AAMP: variants seen among roughly 807,000 people sequenced by gnomAD.
The protein encoded by AAMP is angio associated migratory cell protein.
In AAMP, 12 loss-of-function variants were observed where a neutral mutation model predicts 51.1. The ratio of observed to expected loss-of-function variants is 0.23; its 90% CI spans 0.15 to 0.38. The LOEUF (loss-of-function observed/expected upper bound fraction) is 0.38. Ranked by LOEUF, AAMP falls within the 10% of genes least tolerant of loss-of-function variation. AAMP has a pLI of 1.00. For missense variants in AAMP, 418 were observed against 557.2 expected (o/e 0.75, Z 2.52); for synonymous variants, 210 against 218.7 (o/e 0.96, Z 0.35).
Position 218,265,029 on chromosome 2 carries a change from G to A in AAMP, c.1220C>T (p.Ala407Val), listed in dbSNP as rs761467520. The A allele has an allele frequency of 2.5e-6, 4 of 1,613,702 alleles. No homozygotes were observed. Among genetic ancestry groups the A allele is most frequent in the Admixed American group, 3.3e-5 (2 of 60,010 alleles). The change falls in exon 10 of 11, where the codon GCC (alanine) becomes GTC (valine). Residue 407 changes from alanine to valine, a missense_variant. Ala to Val is a moderately conservative substitution (Grantham distance 64). Transcript: ENST00000248450. This position sits in a 1 kb window ranked among gnomAD's most constrained non-coding sequence, Gnocchi z 6.6. Reference protein sequence around the residue: ...RGHTAEILDFALSKDASLVVT... With the variant: ...RGHTAEILDFVLSKDASLVVT... ...TGGCCAATTCACTTACTTGCTGAGGGCAAAGTCCAGGATCTCAGCCGTGTG... is the reference window on the plus strand; with the variant it reads ...TGGCCAATTCACTTACTTGCTGAGGACAAAGTCCAGGATCTCAGCCGTGTG...
intron 10 of AAMP, 85 bp from the exon 11 acceptor site, chr2:218,264,693 C>T: frequency 8.2e-7 from 1 of 1,225,364 alleles, no homozygotes. Context: ...CTCCAGCACA[C>T]CCTCAGTTCT....
In AAMP at chr2:218,266,548, C is replaced by T; in HGVS notation, c.574G>A (p.Gly192Ser). 6.2e-7 allele frequency: 1 copy of T among 1,613,802 alleles called. No homozygotes were observed. The highest frequency in any genetic ancestry group is 8.5e-7 in the Non-Finnish European group (1 of 1,179,960). Residue 192 changes from glycine (G) to serine (S), a missense_variant, in exon 5 of 11, where the codon GGC becomes AGC. Coordinates refer to ENST00000248450, the MANE Select transcript of AAMP (RefSeq NM_001087.5). The surrounding 1 kb of genome is among the most constrained non-coding windows in gnomAD (Gnocchi z 4.7). ...ATCCAGGTGTTGCCGTCAGCTGTGC[C>T]CGCCAACAGGACAGGTGCCCGAGGA... is the stretch of plus-strand genomic sequence containing the variant. ...WHPRAPVLLAGTADGNTWMWK... is the reference protein window; with the variant it reads ...WHPRAPVLLASTADGNTWMWK...
intron 2 of AAMP, among the ~76,000 whole-genome samples, chr2:218,268,101 T>C (rs906563575): frequency 5.5e-4 from 84 of 151,810 alleles, no homozygotes; most frequent in Admixed American, 1.6e-3. Flanking sequence ...CCTGAGTAGC[T>C]GGGATTACAG....
In AAMP at chr2:218,265,018, A is replaced by G; in HGVS notation, c.1229+2T>C. 6.2e-7 allele frequency: 1 copy of G among 1,613,792 alleles called. No homozygotes were observed. Among genetic ancestry groups the G allele is most frequent in the Non-Finnish European group, 8.5e-7 (1 of 1,180,032 alleles). Reference sequence around the variant, plus strand: ...ATCCCAGCCCTTGGCCAATTCACTTACTTGCTGAGGGCAAAGTCCAGGATC... The same window carrying G: ...ATCCCAGCCCTTGGCCAATTCACTTGCTTGCTGAGGGCAAAGTCCAGGATC... On this transcript the variant is annotated splice_donor_variant, in intron 10 of 10. Coordinates refer to ENST00000248450, the MANE Select transcript of AAMP (RefSeq NM_001087.5). LOFTEE classifies it high-confidence loss of function. The surrounding 1 kb of genome is among the most constrained non-coding windows in gnomAD (Gnocchi z 6.6).
Position 218,265,951 on chromosome 2 carries a change from C to A in AAMP, c.764-5G>T. The A allele has an allele frequency of 1.2e-6, 2 of 1,612,120 alleles. No individual in the cohort carries two copies. Among genetic ancestry groups the A allele is most frequent in the Non-Finnish European group, 1.7e-6 (2 of 1,178,242 alleles). On this transcript the variant is annotated splice_region_variant and splice_polypyrimidine_tract_variant and intron_variant, in intron 6 of 10. Transcript: ENST00000248450. This position sits in a 1 kb window ranked among gnomAD's most constrained non-coding sequence, Gnocchi z 6.6. ...GGCCCTGGTGACCCTCAGTCCCTAGCATAGAGCAGGGAGGCAGCTCAGGCT... is the reference window on the plus strand; with the variant it reads ...GGCCCTGGTGACCCTCAGTCCCTAGAATAGAGCAGGGAGGCAGCTCAGGCT...
At position 218,264,699 on chromosome 2, in the gene AAMP, GT is replaced by G. The variant is rs534284516; in HGVS notation, c.1230-92del. 922 of 1,161,194 alleles carry G rather than the reference GT, an allele frequency of 7.9e-4. 9 individuals are homozygous for G. The East Asian group carries it at 9.1e-3, about 11-fold the overall frequency. The allele number at this position is 1,161,194 out of a possible 1,614,324, so 71.9% of individuals were successfully genotyped here. A position where few individuals can be genotyped will look rare whatever the true frequency, so the allele number is the denominator to read the frequency against. On this transcript the variant is annotated intron_variant, in intron 10 of 10. Coordinates refer to ENST00000248450, the MANE Select transcript of AAMP (RefSeq NM_001087.5). ...GGTGGGCTCCTCCAGCACACCCTCA[GT>G]TCTAGGGCCCTAGTGCCTAGCACTG... is the stretch of plus-strand genomic sequence containing the variant.
At position 218,267,031 on chromosome 2, in the gene AAMP, C is replaced by T. The variant is rs1690650247; in HGVS notation, c.395-45G>A. 1.2e-6 allele frequency: 2 copies of T among 1,607,124 alleles called. No individual in the cohort carries two copies. Among genetic ancestry groups the T allele is most frequent in the Non-Finnish European group, 1.7e-6 (2 of 1,174,862 alleles). On this transcript the variant is annotated intron_variant, in intron 3 of 10. Transcript: ENST00000248450. This position sits in a 1 kb window ranked among gnomAD's most constrained non-coding sequence, Gnocchi z 4.6. ...GAAAACAGAGGAAAAAAATAGGGTACCTGGTGCTGGGGGCATGTGATTCTG... is the reference window on the plus strand; with the variant it reads ...GAAAACAGAGGAAAAAAATAGGGTATCTGGTGCTGGGGGCATGTGATTCTG...
In AAMP at chr2:218,269,416, G is replaced by C; in HGVS notation, c.240C>G (p.Pro80=). The C allele has an allele frequency of 6.2e-7, 1 of 1,614,128 alleles. No individual in the cohort carries two copies. The highest frequency in any genetic ancestry group is 8.5e-7 in the Non-Finnish European group (1 of 1,180,030). ...QEGVVGSMEG[P]DDSEVTFALH... is the part of the protein sequence containing the mutation. ...ATGCAAAGGTGACCTCGCTATCGTC[G>C]GGGCCCTCCATGCTGCCGACCACCC... Residue 80 remains proline, a synonymous_variant, in exon 2 of 11, where the codon CCC becomes CCG. Transcript: ENST00000248450.
At chr2:218,269,687 G>A in intron 1 of AAMP, 153 bp from the exon 2 acceptor site, 1 of 1,330,098 alleles carries the variant, frequency 7.5e-7, no homozygotes, top group East Asian at 2.4e-5. Flanking sequence ...GCGGGACACA[G>A]GACGGGAGGC....
rs139083943 is a variant in AAMP at position 218,265,173 on chromosome 2, G to A, written c.1076C>T (p.Ser359Leu). The A allele has an allele frequency of 5.6e-4, 893 of 1,581,780 alleles. No homozygotes were observed. The highest frequency in any genetic ancestry group is 7.2e-4 in the Non-Finnish European group (834 of 1,163,530). ...QTLRHQCQHQ[S>L]GIVQLLWEAG... Reference sequence around the variant, plus strand: ...CTCCCACAGCAGCTGCACGATGCCCGACTGCCCCGAGGAATGACAGAGGCA... The same window carrying A: ...CTCCCACAGCAGCTGCACGATGCCCAACTGCCCCGAGGAATGACAGAGGCA... Residue 359 changes from serine to leucine, a missense_variant and splice_region_variant, in exon 10 of 11, where the codon TCG becomes TTG. Ser to Leu is a moderately radical substitution (Grantham distance 145). Transcript: ENST00000248450. This position sits in a 1 kb window ranked among gnomAD's most constrained non-coding sequence, Gnocchi z 6.6.
rs1373258338 is a variant in AAMP at position 218,267,812 on chromosome 2, C to T, written c.275-199G>A. 2.0e-5 allele frequency among the ~76,000 whole-genome samples: 3 copies of T among 152,158 alleles called. No homozygotes were observed. The highest frequency in any genetic ancestry group is 7.2e-5 in the African/African-American group (3 of 41,430). ...CATATTTGCCAAGCTCCCTATTTGC[C>T]AGAGTAGATCCCCTCACTGTGTGAC... On this transcript the variant is annotated intron_variant, in intron 2 of 10. Coordinates refer to ENST00000248450, the MANE Select transcript of AAMP (RefSeq NM_001087.5). The surrounding 1 kb of genome is among the most constrained non-coding windows in gnomAD (Gnocchi z 4.6).
chr2:218,266,248 A>C lies in AAMP; in HGVS notation c.680-101T>G. 7.4e-7 allele frequency: 1 copy of C among 1,342,812 alleles called. No individual in the cohort carries two copies. The highest frequency in any genetic ancestry group is 1.1e-6 in the Non-Finnish European group (1 of 948,498). 83.2% of individuals were successfully genotyped at this position (1,342,812 alleles called of 1,614,324 possible). ...AGGAAAGAAGAGTGGAAGGGCCCAG[A>C]CACTGCCCCAGGAATCACAGGTGAG... On this transcript the variant is annotated intron_variant, in intron 5 of 10. Transcript: ENST00000248450. This position sits in a 1 kb window ranked among gnomAD's most constrained non-coding sequence, Gnocchi z 4.7.
Position 218,269,517 on chromosome 2 carries a change from T to A in AAMP, c.139A>T (p.Met47Leu), listed in dbSNP as rs1310393794. ...TCTTCCTCAAAGTCCACATCTTCCA[T>A]CTCCTGGGCCAGGTCATCTGCTTTG... Reference protein sequence around the residue: ...PPDPDDLAQEMEDVDFEEEEE... With the variant: ...PPDPDDLAQELEDVDFEEEEE... Residue 47 changes from methionine (M) to leucine (L), a missense_variant, in exon 2 of 11, where the codon ATG (methionine) becomes TTG (leucine). Coordinates refer to ENST00000248450, the MANE Select transcript of AAMP (RefSeq NM_001087.5). The A allele has an allele frequency of 7.4e-6, 12 of 1,613,926 alleles. No homozygotes were observed. The highest frequency in any genetic ancestry group is 7.6e-6 in the Non-Finnish European group (9 of 1,180,022).
chr2:218,265,228 C>A lies in AAMP; in HGVS notation c.1075-54G>T. On this transcript the variant is annotated intron_variant, in intron 9 of 10. Transcript: ENST00000248450. This position sits in a 1 kb window ranked among gnomAD's most constrained non-coding sequence, Gnocchi z 6.6. ...GGAGGTTGGCAGGAGAGCTGAGAGC[C>A]ATCTGCTCCCAATTCTCAAAGAGGG... The A allele has an allele frequency of 6.4e-7, 1 of 1,564,566 alleles. No homozygotes were observed. Among genetic ancestry groups the A allele is most frequent in the Non-Finnish European group, 8.7e-7 (1 of 1,154,804 alleles).
At chr2:218,269,681 G>T (rs1467778678) in intron 1 of AAMP, 147 bp from the exon 2 acceptor site, 2 of 1,379,126 alleles carry the variant, frequency 1.5e-6, no homozygotes, top group South Asian at 1.2e-5. Context: ...GGGCGCGCGG[G>T]ACACAGGACG....
Position 218,265,851 on chromosome 2 carries a change from C to T in AAMP, c.859G>A (p.Val287Ile), listed in dbSNP as rs369575129. ...TGSVDCQAKL[V>I]SATTGKVVGV... ...CTCACCTTGCCGGTGGTGGCACTGACCAGCTTGGCCTGGCAGTCCACAGAG... is the reference window on the plus strand; with the variant it reads ...CTCACCTTGCCGGTGGTGGCACTGATCAGCTTGGCCTGGCAGTCCACAGAG... Residue 287 changes from valine to isoleucine, a missense_variant, in exon 7 of 11, where the codon GTC becomes ATC. Transcript: ENST00000248450. This position sits in a 1 kb window ranked among gnomAD's most constrained non-coding sequence, Gnocchi z 6.6. The T allele has an allele frequency of 6.2e-7, 1 of 1,613,426 alleles. No individual in the cohort carries two copies. Among genetic ancestry groups the T allele is most frequent in the Non-Finnish European group, 8.5e-7 (1 of 1,179,776 alleles).
At position 218,267,580 on chromosome 2, in the gene AAMP, G is replaced by A. The variant is rs1485121285; in HGVS notation, c.308C>T (p.Thr103Ile). ...ACCCCCGGTCACTGCCAAGGTATTGGTCTTGGGGTCCAGGCTCACACAAAA... is the reference window on the plus strand; with the variant it reads ...ACCCCCGGTCACTGCCAAGGTATTGATCTTGGGGTCCAGGCTCACACAAAA... Reference protein sequence around the residue: ...SVFCVSLDPKTNTLAVTGGED... With the variant: ...SVFCVSLDPKINTLAVTGGED... The change falls in exon 3 of 11, where the codon ACC (threonine) becomes ATC (isoleucine). Residue 103 changes from threonine (T) to isoleucine (I), a missense_variant. Coordinates refer to ENST00000248450, the MANE Select transcript of AAMP (RefSeq NM_001087.5). The surrounding 1 kb of genome is among the most constrained non-coding windows in gnomAD (Gnocchi z 4.6). The A allele has an allele frequency of 2.4e-5, 38 of 1,614,124 alleles. No individual in the cohort carries two copies. The highest frequency in any genetic ancestry group is 3.2e-5 in the Non-Finnish European group (38 of 1,180,022).
intron 1 of AAMP, 107 bp downstream of exon 1, chr2:218,269,858 AT>A: frequency 4.6e-6 from 7 of 1,509,720 alleles, no homozygotes; most frequent in Non-Finnish European, 6.4e-6. Flanking sequence ...GAAGAGGGAT[AT>A]CGGTAGGAAT....
Position 218,267,250 on chromosome 2 carries a change from C to T in AAMP, c.394+244G>A, listed in dbSNP as rs571681686. 2.5e-5 allele frequency: 17 copies of T among 670,244 alleles called. 1 individual carries two copies. Among genetic ancestry groups the T allele is most frequent in the South Asian group, 1.3e-4 (7 of 51,890 alleles). The allele number at this position is 670,244 out of a possible 1,614,324, so 41.5% of individuals were successfully genotyped here. A position where few individuals can be genotyped will look rare whatever the true frequency, so the allele number is the denominator to read the frequency against. On this transcript the variant is annotated intron_variant, in intron 3 of 10. Coordinates refer to ENST00000248450, the MANE Select transcript of AAMP (RefSeq NM_001087.5). The surrounding 1 kb of genome is among the most constrained non-coding windows in gnomAD (Gnocchi z 4.6). The stretch of plus-strand genomic sequence containing the variant: ...CTTCTGTCCACTCTACACCTCTGCC[C>T]GCCTGCTCCTATACCAATGTGGCCT...
Sources: gnomAD v4.1 joint callset for allele counts (sites outside exome capture counted in the v4.1 genomes callset) on GRCh38, gnomAD v4.1.1 for gene constraint, Gnocchi (gnomAD v3.1) non-coding constraint, MANE v1.5 for transcripts, NCBI Gene and HGNC (gene_info 2026-07-23, HGNC 2026-07-21) for gene names.